Variants in PACRGL observed in about 807,000 individuals in gnomAD.
PACRGL encodes parkin coregulated like.
A neutral mutation model predicts 34.5 loss-of-function variants in PACRGL; 38 were observed. The observed-to-expected ratio is 1.10, with a 90% CI of 0.85 to 1.44. PACRGL has a LOEUF of 1.44. Among genes scored for constraint, PACRGL ranks in the 40% most tolerant of loss-of-function variants. The pLI, the probability that PACRGL is intolerant of heterozygous loss-of-function variation, is 0.00. For synonymous variants in PACRGL, 128 were observed against 100.1 expected, an observed-to-expected ratio of 1.28 and a Z score of -1.66; for missense variants, 305 against 281.4, an observed-to-expected ratio of 1.08 and a Z score of -0.60.
At chr4:20,704,390 G>T in intron 1 of PACRGL, 76 bp from the exon 2 acceptor site, 1 of 1,352,166 alleles carries the variant, frequency 7.4e-7, no homozygotes, top group South Asian at 1.3e-5. Context: ...ACTCTGTTCT[G>T]GTTTTGTCTT....
intron 8 of PACRGL, among the ~76,000 whole-genome samples, chr4:20,740,747 G>T (rs989157048): frequency 6.6e-6 from 1 of 152,210 alleles, no homozygotes; most frequent in African/African-American, 2.4e-5. Context: ...ATGTAAATGG[G>T]CTAAACGCAC....
In PACRGL at chr4:20,728,882, C is replaced by CTTTAGTAAT. The variant is rs1746878343; in HGVS notation, c.*1542_*1550dup. ...TACAAAACAGGGACGATGTGTGTGG[C>CTTTAGTAAT]TTTAGTAATGTGGCAACTTTACAGT... On this transcript the variant is annotated 3_prime_UTR_variant, in exon 9 of 9. Coordinates refer to ENST00000503585, the MANE Select transcript of PACRGL (RefSeq NM_001258345.3). 6.6e-6 allele frequency: 1 copy of CTTTAGTAAT among 152,326 alleles called. No individual in the cohort carries two copies. The highest frequency in any genetic ancestry group is 6.6e-5 in the Admixed American group (1 of 15,244). 9.4% of individuals were successfully genotyped at this position (152,326 alleles called of 1,614,324 possible). A position where few individuals can be genotyped will look rare whatever the true frequency, so the allele number is the denominator to read the frequency against.
intron 8 of PACRGL, among the ~76,000 whole-genome samples, chr4:20,745,227 A>G (rs539226469): frequency 2.6e-5 from 4 of 151,316 alleles, no homozygotes; most frequent in East Asian, 3.9e-4. Flanking sequence ...TTTTTTTGTC[A>G]CTTGGTGTAT....
intron 7 of PACRGL, chr4:20,716,100 T>G (rs1215091399): frequency 6.6e-7 from 1 of 1,522,548 alleles, no homozygotes; most frequent in African/African-American, 1.4e-5. Flanking sequence ...ATATAAATAT[T>G]TACTAGGACC....
At chr4:20,754,421 T>C (rs930628993), downstream of PACRGL, among the ~76,000 whole-genome samples, 5 of 152,174 alleles carry the variant, frequency 3.3e-5, no homozygotes, top group Non-Finnish European at 7.4e-5. Flanking sequence ...CAGACCATCA[T>C]CCTGAATAAA....
downstream of PACRGL, among the ~76,000 whole-genome samples, chr4:20,754,401 CTG>C (rs1754153570): frequency 6.6e-6 from 1 of 152,100 alleles, no homozygotes; most frequent in Admixed American, 6.6e-5. Flanking sequence ...ATGAGAAAAA[CTG>C]TTGCATTCAG....
chr4:20,725,730 C>G (rs1745368368), intron 8 of PACRGL, among the ~76,000 whole-genome samples: 1 of 151,756 alleles, frequency 6.6e-6, no homozygotes, highest in South Asian at 2.1e-4. Flanking sequence ...AGCGAAATAC[C>G]TCATTTGACC....
chr4:20,698,406 C>A (rs988159701), upstream of PACRGL, among the ~76,000 whole-genome samples: 1 of 152,148 alleles, frequency 6.6e-6, no homozygotes, highest in Non-Finnish European at 1.5e-5. Context: ...ATATTGTGAG[C>A]TTTCCTAGAA....
intron 3 of PACRGL, among the ~76,000 whole-genome samples, chr4:20,707,370 T>A (rs1734995458): frequency 6.6e-6 from 1 of 152,226 alleles, no homozygotes. Flanking sequence ...CCCAGCGCAA[T>A]CCTTTGTTTT....
At chr4:20,733,739 G>T (rs1264535135), downstream of PACRGL, among the ~76,000 whole-genome samples, 1 of 152,084 alleles carries the variant, frequency 6.6e-6, no homozygotes, top group African/African-American at 2.4e-5. Flanking sequence ...TTTAGGATAT[G>T]CTCCATATAC....
upstream of PACRGL, among the ~76,000 whole-genome samples, chr4:20,697,308 A>G (rs1394230897): frequency 1.3e-5 from 2 of 152,248 alleles, no homozygotes; most frequent in African/African-American, 4.8e-5. Flanking sequence ...AAAAAGGCAG[A>G]GATTTTCTTT....
Position 20,731,712 on chromosome 4 carries a change from G to GTA in PACRGL, c.*4373_*4374dup. ...TGGCAAAGAGCAATTCAAATCTCATGTATGTTTTATCCTCCATGAATACTC... is the reference window on the plus strand; with the variant it reads ...TGGCAAAGAGCAATTCAAATCTCATGTATATGTTTTATCCTCCATGAATACTC... On this transcript the variant is annotated 3_prime_UTR_variant, in exon 9 of 9. Transcript: ENST00000503585. 1.0e-6 allele frequency: 1 copy of GTA among 985,172 alleles called. No individual in the cohort carries two copies. Among genetic ancestry groups the GTA allele is most frequent in the Non-Finnish European group, 1.2e-6 (1 of 829,718 alleles). 61.0% of individuals were successfully genotyped at this position (985,172 alleles called of 1,614,324 possible). A position where few individuals can be genotyped will look rare whatever the true frequency, so the allele number is the denominator to read the frequency against.
At chr4:20,709,828 T>A in intron 5 of PACRGL, 55 bp downstream of exon 5, 1 of 1,399,024 alleles carries the variant, frequency 7.1e-7, no homozygotes, top group Non-Finnish European at 1.0e-6. Context: ...AAAATTGCAT[T>A]AAATGCTACT....
the PACRGL span, among the ~76,000 whole-genome samples, chr4:20,759,585 C>T: frequency 8.6e-5 from 13 of 152,040 alleles, no homozygotes; most frequent in Non-Finnish European, 8.8e-5. Context: ...GACAACTGAC[C>T]TGGAGGGGCC....
At chr4:20,708,269 G>T (rs1369337460) in intron 4 of PACRGL, among the ~76,000 whole-genome samples, 1 of 151,416 alleles carries the variant, frequency 6.6e-6, no homozygotes, top group African/African-American at 2.4e-5. Flanking sequence ...CTTCATTTTG[G>T]ATATAATTCT....
At position 20,730,284 on chromosome 4, in the gene PACRGL, A is replaced by G. The variant is rs1747705294; in HGVS notation, c.*2943A>G. On this transcript the variant is annotated 3_prime_UTR_variant, in exon 9 of 9. Transcript: ENST00000503585. Reference sequence around the variant, plus strand: ...TGTTTGCAAATGTAAATGCCATTCTATTCTATCCATTTTCCACATAGATGA... The same window carrying G: ...TGTTTGCAAATGTAAATGCCATTCTGTTCTATCCATTTTCCACATAGATGA... Among the ~76,000 whole-genome samples the G allele has an allele frequency of 6.6e-6, 1 of 152,218 alleles. No individual in the cohort carries two copies. The highest frequency in any genetic ancestry group is 6.5e-5 in the Admixed American group (1 of 15,282).
downstream of PACRGL, among the ~76,000 whole-genome samples, chr4:20,733,235 G>C (rs1402193198): frequency 6.6e-6 from 1 of 152,076 alleles, no homozygotes. Flanking sequence ...TAAGTCTTAA[G>C]GTTCATTAGG....
chr4:20,743,304 A>G (rs996640163), intron 8 of PACRGL, among the ~76,000 whole-genome samples: 2 of 152,214 alleles, frequency 1.3e-5, no homozygotes, highest in African/African-American at 4.8e-5. Flanking sequence ...CAGAGCCCAC[A>G]TTGCCAAGTC....
intron 8 of PACRGL, among the ~76,000 whole-genome samples, chr4:20,739,841 C>G (rs1750624540): frequency 6.6e-6 from 1 of 152,088 alleles, no homozygotes; most frequent in African/African-American, 2.4e-5. Flanking sequence ...AGCTAAAAAC[C>G]TTGAGAAAAG....
Sources: gnomAD v4.1 joint callset for allele counts (sites outside exome capture counted in the v4.1 genomes callset) on GRCh38, gnomAD v4.1.1 for gene constraint, MANE v1.5 for transcripts, NCBI Gene and HGNC (gene_info 2026-07-23, HGNC 2026-07-21) for gene names.